Variants in SOX6 observed in about 807,000 individuals in gnomAD.
The protein encoded by SOX6 is SRY-box transcription factor 6.
A neutral mutation model predicts 97.8 loss-of-function variants in SOX6; 11 were observed. The ratio of observed to expected loss-of-function variants is 0.11; its 90% confidence interval spans 0.07 to 0.19. The LOEUF (loss-of-function observed/expected upper bound fraction) is 0.19, where lower values mean the gene tolerates loss of function less well. Among genes scored for constraint, SOX6 ranks in the 10% least tolerant of loss-of-function variants. SOX6 has a pLI of 1.00. For synonymous variants in SOX6, 360 were observed against 371.4 expected (o/e 0.97, Z 0.35); for missense variants, 810 against 1,039.5 (o/e 0.78, Z 3.04).
intron 1 of SOX6, among the ~76,000 whole-genome samples, chr11:16,411,669 T>C (rs934963611): frequency 6.6e-6 from 1 of 152,074 alleles, no homozygotes; most frequent in Non-Finnish European, 1.5e-5. Context: ...AATGCAGACC[T>C]CCTAAAAGAG....
intron 6 of SOX6, among the ~76,000 whole-genome samples, chr11:16,121,477 G>A (rs1163317140): frequency 6.6e-6 from 1 of 151,944 alleles, no homozygotes; most frequent in Non-Finnish European, 1.5e-5. Flanking sequence ...AAATATAAAA[G>A]TGCCTTAAAG....
intron 4 of SOX6, among the ~76,000 whole-genome samples, chr11:16,575,739 C>G (rs1332036839): frequency 6.6e-6 from 1 of 152,076 alleles, no homozygotes; most frequent in African/African-American, 2.4e-5. Flanking sequence ...TAACATTAAA[C>G]ACAGAATGGT....
intron 3 of SOX6, among the ~76,000 whole-genome samples, chr11:16,245,682 T>C (rs1853314881): frequency 6.6e-6 from 1 of 151,778 alleles, no homozygotes; most frequent in African/African-American, 2.4e-5. Flanking sequence ...TTAATCATTA[T>C]GAAATGTCCT....
chr11:16,144,532 G>C (rs1850237554), intron 6 of SOX6, among the ~76,000 whole-genome samples: 1 of 151,890 alleles, frequency 6.6e-6, no homozygotes, highest in South Asian at 2.1e-4. Flanking sequence ...AGACACAAAA[G>C]ACCCTTCAAA....
chr11:16,523,966 G>A (rs1219828309), intron 4 of SOX6, among the ~76,000 whole-genome samples: 3 of 152,128 alleles, frequency 2.0e-5, no homozygotes, highest in Non-Finnish European at 2.9e-5. Flanking sequence ...ACCCATAACA[G>A]GCTCTGAAAT....
chr11:16,430,290 A>T (rs935579750), intron 1 of SOX6, among the ~76,000 whole-genome samples: 4 of 152,146 alleles, frequency 2.6e-5, no homozygotes, highest in Non-Finnish European at 4.4e-5. Context: ...AATTCTTATT[A>T]TATTTGTTTA....
intron 9 of SOX6, among the ~76,000 whole-genome samples, chr11:16,068,160 G>C (rs1268164739): frequency 1.3e-5 from 2 of 152,142 alleles, no homozygotes; most frequent in African/African-American, 2.4e-5. Flanking sequence ...GATTGATGCT[G>C]CCTAACACCA....
At chr11:16,005,669 C>A (rs978091236) in intron 13 of SOX6, among the ~76,000 whole-genome samples, 1 of 151,978 alleles carries the variant, frequency 6.6e-6, no homozygotes, top group Non-Finnish European at 1.5e-5. Flanking sequence ...GCACCATGAG[C>A]AATTTCTCTA....
At chr11:16,650,319 A>G (rs1590037910) in intron 3 of SOX6, among the ~76,000 whole-genome samples, 1 of 152,168 alleles carries the variant, frequency 6.6e-6, no homozygotes, top group Non-Finnish European at 1.5e-5. Flanking sequence ...CAACAACTTC[A>G]GGATACACAT....
chr11:16,387,329 T>C (rs559271690), intron 1 of SOX6, among the ~76,000 whole-genome samples: 1 of 152,224 alleles, frequency 6.6e-6, no homozygotes, highest in East Asian at 1.9e-4. Context: ...TTGAAACCAC[T>C]ATTCAAAATA....
At chr11:16,481,193 A>T (rs1860339665), upstream of SOX6, among the ~76,000 whole-genome samples, 2 of 152,136 alleles carry the variant, frequency 1.3e-5, no homozygotes, top group African/African-American at 4.8e-5. Flanking sequence ...ATTGAACTCC[A>T]TAATGCTTAG....
intron 3 of SOX6, among the ~76,000 whole-genome samples, chr11:16,256,347 T>C (rs183503661): frequency 2.0e-5 from 3 of 152,114 alleles, no homozygotes; most frequent in East Asian, 3.9e-4. Context: ...AAAAGAATTA[T>C]ATACCACAAT....
Position 15,972,539 on chromosome 11 carries a change from T to G in SOX6, c.*270A>C. On this transcript the variant is annotated 3_prime_UTR_variant, in exon 16 of 16. Coordinates refer to ENST00000683767, the MANE Select transcript of SOX6 (RefSeq NM_001367873.1). Reference sequence around the variant, plus strand: ...TAAGACTTGTAAGACATCTACGGGTTGAGATAAGTTTCAAGTCCTGGTGTC... The same window carrying G: ...TAAGACTTGTAAGACATCTACGGGTGGAGATAAGTTTCAAGTCCTGGTGTC... 2.1e-6 allele frequency: 1 copy of G among 487,726 alleles called. No homozygotes were observed. 30.2% of individuals were successfully genotyped at this position (487,726 alleles called of 1,614,324 possible).
chr11:16,539,935 T>C (rs769984110), intron 4 of SOX6, among the ~76,000 whole-genome samples: 1 of 151,970 alleles, frequency 6.6e-6, no homozygotes. Flanking sequence ...TTCCAATCAA[T>C]AGAAAAAGAG....
intron 1 of SOX6, among the ~76,000 whole-genome samples, chr11:16,426,959 A>G (rs1859153535): frequency 6.6e-6 from 1 of 151,200 alleles, no homozygotes; most frequent in Non-Finnish European, 1.5e-5. Flanking sequence ...TTTACACCAT[A>G]TACAAAAATT....
intron 13 of SOX6, among the ~76,000 whole-genome samples, chr11:16,003,413 C>A (rs1353531900): frequency 6.6e-6 from 1 of 152,038 alleles, no homozygotes; most frequent in Non-Finnish European, 1.5e-5. Flanking sequence ...GAATAAGTAG[C>A]TTAGGCTCTG....
At chr11:15,993,092 T>A (rs1290890118) in intron 13 of SOX6, among the ~76,000 whole-genome samples, 1 of 152,150 alleles carries the variant, frequency 6.6e-6, no homozygotes, top group African/African-American at 2.4e-5. Context: ...TATGATTATG[T>A]GTGTGTGTAT....
At chr11:16,337,658 T>C (rs1045877566) in intron 2 of SOX6, among the ~76,000 whole-genome samples, 2 of 152,114 alleles carry the variant, frequency 1.3e-5, no homozygotes, top group Non-Finnish European at 2.9e-5. Context: ...ACATTAACTT[T>C]CCAACCTTCA....
intron 3 of SOX6, among the ~76,000 whole-genome samples, chr11:16,681,251 C>G (rs112760292): frequency 0.023 from 3,531 of 152,254 alleles, 142 homozygotes; most frequent in African/African-American, 0.081. Flanking sequence ...GTAATCACAA[C>G]AAACTGTCTC....
Sources: allele counts gnomAD v4.1 joint callset (sites outside exome capture counted in the v4.1 genomes callset), GRCh38; gene constraint gnomAD v4.1.1; transcripts MANE v1.5; gene names NCBI Gene and HGNC (gene_info 2026-07-23, HGNC 2026-07-21).